Variants in DCTN4 observed in about 807,000 individuals in gnomAD.
DCTN4 encodes dynactin 4 (p62).
In DCTN4, 23 loss-of-function variants were observed where a neutral mutation model predicts 62.7. That is an observed-to-expected ratio of 0.37 (90% CI 0.26 to 0.52). The LOEUF is 0.52. DCTN4 is among the 20% of genes least tolerant of loss of function. The pLI, the probability that DCTN4 is intolerant of heterozygous loss-of-function variation, is 0.92. For missense variants in DCTN4, 514 were observed against 580.4 expected (o/e 0.89, Z 1.18); for synonymous variants, 199 against 202.1 (o/e 0.98, Z 0.13).
At chr5:150,731,389 T>A (rs543743878) in intron 6 of DCTN4, 27 bp downstream of exon 6, 1 of 1,595,846 alleles carries the variant, frequency 6.3e-7, no homozygotes, top group Non-Finnish European at 8.6e-7. Context: ...GCTGTTCTCC[T>A]CAAAGTCATT....
intron 4 of DCTN4, among the ~76,000 whole-genome samples, chr5:150,736,139 G>A (rs551485130): frequency 1.6e-4 from 25 of 152,038 alleles, no homozygotes; most frequent in Non-Finnish European, 2.6e-4. Flanking sequence ...ACTAAGAATT[G>A]GTGTTCCCAA....
intron 4 of DCTN4, chr5:150,736,167 A>C (rs1208381528): frequency 6.6e-6 from 1 of 152,168 alleles, no homozygotes. Flanking sequence ...GAGAAATCTA[A>C]AGGTTTGGAA....
chr5:150,745,777 G>C (rs1331148875), intron 3 of DCTN4, among the ~76,000 whole-genome samples: 1 of 151,898 alleles, frequency 6.6e-6, no homozygotes, highest in Non-Finnish European at 1.5e-5. Context: ...GAATCTCTGG[G>C]ACACATTCAA....
At chr5:150,728,141 C>T (rs547734101) in intron 8 of DCTN4, among the ~76,000 whole-genome samples, 1 of 152,110 alleles carries the variant, frequency 6.6e-6, no homozygotes, top group South Asian at 2.1e-4. Context: ...TTTAAGAGTA[C>T]TAAATGGAAA....
intron 2 of DCTN4, among the ~76,000 whole-genome samples, chr5:150,754,281 T>C (rs1005153847): frequency 1.3e-5 from 2 of 152,216 alleles, no homozygotes; most frequent in Admixed American, 6.5e-5. Context: ...TGCAGTCCTG[T>C]ACCTGCTTGA....
rs61106544 is a variant in DCTN4 at position 150,729,042 on chromosome 5, C to CTTTTTTTTTTTTTTTTT, written c.834+1572_834+1588dup. 9.6e-5 allele frequency among the ~76,000 whole-genome samples: 5 copies of CTTTTTTTTTTTTTTTTT among 52,146 alleles called. 1 individual carries two copies. Among genetic ancestry groups the CTTTTTTTTTTTTTTTTT allele is most frequent in the African/African-American group, 3.0e-4 (4 of 13,134 alleles). The allele number at this position is 52,146 out of a possible 152,430, so 34.2% of individuals were successfully genotyped here. On this transcript the variant is annotated intron_variant, in intron 8 of 12. Transcript: ENST00000447998. ...ACAAGTGTGTGAACCACCACACTGG[C>CTTTTTTTTTTTTTTTTT]TTTTTTTTTTTTTTTTTTTTTTTTT...
At chr5:150,718,202 T>C (rs1421041630) in intron 11 of DCTN4, 74 bp downstream of exon 11, 3 of 942,834 alleles carry the variant, frequency 3.2e-6, no homozygotes, top group Non-Finnish European at 4.9e-6. Flanking sequence ...GTGTGTGGAG[T>C]CTTTTAAGCC....
intron 3 of DCTN4, among the ~76,000 whole-genome samples, chr5:150,745,236 G>A (rs1374972033): frequency 1.3e-5 from 2 of 150,128 alleles, no homozygotes; most frequent in African/African-American, 2.5e-5. Context: ...AACAAGAAGC[G>A]CTAACTATCC....
chr5:150,748,545 CAACAATG>C (rs1752545950), intron 3 of DCTN4, among the ~76,000 whole-genome samples: 1 of 149,414 alleles, frequency 6.7e-6, no homozygotes, highest in East Asian at 2.0e-4. Context: ...CCCAAATGTC[CAACAATG>C]ATAGACTGGA....
intron 8 of DCTN4, 70 bp downstream of exon 8, chr5:150,730,561 C>CAA: frequency 7.3e-7 from 1 of 1,366,176 alleles, no homozygotes; most frequent in Non-Finnish European, 1.0e-6. Flanking sequence ...TGACATTAGT[C>CAA]AGACACCAGC....
chr5:150,755,971 T>G (rs1449125890), intron 2 of DCTN4, among the ~76,000 whole-genome samples: 1 of 152,186 alleles, frequency 6.6e-6, no homozygotes, highest in African/African-American at 2.4e-5. Context: ...TCAAAGGGGA[T>G]TTCATCTTTG....
In DCTN4 at chr5:150,759,017, C is replaced by T; in HGVS notation, c.-24G>A. ...ATCTTGGGGAGGGAGGAGGCGATGACGCTCCCGGCGCATCACGTGACCCGA... is the reference window on the plus strand; with the variant it reads ...ATCTTGGGGAGGGAGGAGGCGATGATGCTCCCGGCGCATCACGTGACCCGA... On this transcript the variant is annotated 5_prime_UTR_variant, in exon 1 of 13. Transcript: ENST00000447998. 2.5e-6 allele frequency: 4 copies of T among 1,610,930 alleles called. No individual in the cohort carries two copies. The highest frequency in any genetic ancestry group is 1.1e-5 in the South Asian group (1 of 91,012).
chr5:150,744,308 G>A lies in DCTN4; in HGVS notation c.386-2151C>T, dbSNP rs530714900. ...GACTATGTGAAAAGACCAAATCTAC[G>A]TCTGATTGGTGTACCTGAAAGTGAT... On this transcript the variant is annotated intron_variant, in intron 3 of 12. Transcript: ENST00000447998. 8.7e-3 allele frequency among the ~76,000 whole-genome samples: 1,319 copies of A among 151,960 alleles called. 5 individuals are homozygous for A. The highest frequency in any genetic ancestry group is 0.017 in the African/African-American group (724 of 41,372).
At chr5:150,742,045 G>A in intron 4 of DCTN4, 69 bp downstream of exon 4, 1 of 1,355,712 alleles carries the variant, frequency 7.4e-7, no homozygotes, top group Non-Finnish European at 1.1e-6. Context: ...CCCATAAAAT[G>A]CAAGATCTTC....
intron 8 of DCTN4, among the ~76,000 whole-genome samples, chr5:150,725,505 G>A (rs1023854270): frequency 2.0e-5 from 3 of 151,358 alleles, no homozygotes; most frequent in African/African-American, 7.3e-5. Flanking sequence ...TTAATTTATT[G>A]TATTTTATTT....
intron 9 of DCTN4, 93 bp downstream of exon 9, chr5:150,722,814 A>C: frequency 2.6e-6 from 2 of 764,908 alleles, no homozygotes; most frequent in Non-Finnish European, 2.0e-6. Context: ...TTTTTTTTTT[A>C]GGCCAAGAGT....
intron 3 of DCTN4, among the ~76,000 whole-genome samples, chr5:150,743,838 G>C (rs1262698975): frequency 6.6e-6 from 1 of 152,112 alleles, no homozygotes; most frequent in Non-Finnish European, 1.5e-5. Flanking sequence ...CAAAGATGGG[G>C]AAAAAACAGA....
At chr5:150,747,799 T>C (rs1286580182) in intron 3 of DCTN4, among the ~76,000 whole-genome samples, 6 of 148,906 alleles carry the variant, frequency 4.0e-5, no homozygotes, top group South Asian at 2.2e-4. Context: ...TCAAGATGGA[T>C]TAAAGACTTA....
At chr5:150,749,680 G>C (rs139440001) in intron 3 of DCTN4, among the ~76,000 whole-genome samples, 1 of 151,748 alleles carries the variant, frequency 6.6e-6, no homozygotes, top group Non-Finnish European at 1.5e-5. Context: ...AATAAAAATA[G>C]TTTGGCAGCT....
Sources: gnomAD v4.1 joint callset for allele counts (sites outside exome capture counted in the v4.1 genomes callset) on GRCh38, gnomAD v4.1.1 for gene constraint, MANE v1.5 for transcripts, NCBI Gene and HGNC (gene_info 2026-07-23, HGNC 2026-07-21) for gene names.